CEP112: variants seen among roughly 807,000 people sequenced by gnomAD.
The protein encoded by CEP112 is centrosomal protein of 112 kDa.
Under a neutral mutation model 153.0 loss-of-function variants are expected in CEP112, and 127 were observed. The ratio of observed to expected loss-of-function variants is 0.83; its 90% CI spans 0.72 to 0.96. CEP112 has a LOEUF of 0.96. CEP112 is among the 40% of genes least tolerant of loss of function. CEP112 has a pLI of 0.00. For missense variants in CEP112, 1,089 were observed against 1,101.2 expected, an observed-to-expected ratio of 0.99 and a Z score of 0.16; for synonymous variants, 358 against 374.4, an observed-to-expected ratio of 0.96 and a Z score of 0.51.
intron 17 of CEP112, among the ~76,000 whole-genome samples, chr17:66,000,178 A>T (rs550101945): frequency 6.7e-6 from 1 of 149,478 alleles, no homozygotes; most frequent in Non-Finnish European, 1.5e-5. Context: ...ACTAATTTAC[A>T]CTCCCAACAG....
chr17:65,725,141 T>C (rs1420667501), intron 23 of CEP112, among the ~76,000 whole-genome samples: 1 of 152,202 alleles, frequency 6.6e-6, no homozygotes, highest in African/African-American at 2.4e-5. Flanking sequence ...GAGGAGTTTG[T>C]TAAACTGAAG....
chr17:65,978,740 G>T (rs1035238), intron 17 of CEP112, among the ~76,000 whole-genome samples: 62,499 of 152,080 alleles, frequency 0.41, 14,304 homozygotes, highest in East Asian at 0.87. Context: ...AATGGGTTTT[G>T]CAAACTCAAT....
intron 18 of CEP112, among the ~76,000 whole-genome samples, chr17:65,937,512 T>C (rs565125335): frequency 2.2e-5 from 3 of 133,866 alleles, no homozygotes; most frequent in East Asian, 5.2e-4. Flanking sequence ...AACCGCCCCG[T>C]CTGAGAAGTG....
intron 23 of CEP112, among the ~76,000 whole-genome samples, chr17:65,705,476 C>T (rs2048867485): frequency 6.6e-6 from 1 of 152,144 alleles, no homozygotes; most frequent in African/African-American, 2.4e-5. Flanking sequence ...AAGACATAGT[C>T]TCACCTTTTA....
intron 18 of CEP112, among the ~76,000 whole-genome samples, chr17:65,937,558 G>A (rs1190170468): frequency 3.1e-5 from 3 of 96,376 alleles, no homozygotes; most frequent in East Asian, 8.2e-4. Context: ...CCCCGTCCGG[G>A]AGGGAGGTGG....
chr17:65,963,926 C>A (rs934365396), intron 17 of CEP112, among the ~76,000 whole-genome samples: 1 of 152,132 alleles, frequency 6.6e-6, no homozygotes, highest in African/African-American at 2.4e-5. Context: ...TCCACTAAAT[C>A]CCTGTTCCTT....
intron 21 of CEP112, chr17:65,804,581 A>G (rs1467769976): frequency 6.6e-6 from 1 of 152,200 alleles, no homozygotes; most frequent in African/African-American, 2.4e-5. Flanking sequence ...AGTCTGCTGC[A>G]TTCTGGGCAG....
At chr17:66,034,015 G>A (rs978233559) in intron 12 of CEP112, among the ~76,000 whole-genome samples, 24 of 152,102 alleles carry the variant, frequency 1.6e-4, no homozygotes, top group Non-Finnish European at 2.5e-4. Flanking sequence ...TGAAGGGTCC[G>A]CTTTTTCTGT....
At chr17:66,125,214 C>A (rs1047476128) in intron 6 of CEP112, among the ~76,000 whole-genome samples, 1 of 152,212 alleles carries the variant, frequency 6.6e-6, no homozygotes, top group African/African-American at 2.4e-5. Context: ...ATGTAAACCA[C>A]TCTCATAACT....
At chr17:65,952,588 C>G (rs2061872176) in intron 18 of CEP112, among the ~76,000 whole-genome samples, 1 of 152,028 alleles carries the variant, frequency 6.6e-6, no homozygotes, top group African/African-American at 2.4e-5. Flanking sequence ...GTGCAATAGT[C>G]TTTGTCTAGA....
chr17:65,667,160 T>C (rs949777099), intron 24 of CEP112, among the ~76,000 whole-genome samples: 3 of 152,178 alleles, frequency 2.0e-5, no homozygotes, highest in Non-Finnish European at 4.4e-5. Flanking sequence ...TTCCCTTTTA[T>C]AAAGTGAGGG....
At chr17:66,149,398 G>C (rs2071066495) in intron 4 of CEP112, among the ~76,000 whole-genome samples, 1 of 152,182 alleles carries the variant, frequency 6.6e-6, no homozygotes, top group Non-Finnish European at 1.5e-5. Flanking sequence ...AAAGTTTGAA[G>C]AGGGATTGGC....
At chr17:65,872,846 C>T (rs2058707797) in intron 20 of CEP112, 1 of 152,150 alleles carries the variant, frequency 6.6e-6, no homozygotes, top group South Asian at 2.1e-4. Flanking sequence ...CTTCTAAAAA[C>T]ATTCCGCAAT....
At chr17:65,925,543 G>A (rs982789954) in intron 19 of CEP112, among the ~76,000 whole-genome samples, 2 of 152,070 alleles carry the variant, frequency 1.3e-5, no homozygotes, top group Non-Finnish European at 2.9e-5. Flanking sequence ...GCATCATAAC[G>A]CCTGTGCTGC....
chr17:65,787,475 T>C (rs2054343552), intron 21 of CEP112, among the ~76,000 whole-genome samples: 1 of 152,212 alleles, frequency 6.6e-6, no homozygotes, highest in African/African-American at 2.4e-5. Flanking sequence ...AGTGAGATCC[T>C]GTCTTTAAAA....
chr17:66,097,075 A>G (rs1207945984), intron 6 of CEP112, among the ~76,000 whole-genome samples: 2 of 152,200 alleles, frequency 1.3e-5, no homozygotes, highest in African/African-American at 4.8e-5. Context: ...TATTTGGTAC[A>G]TGAATTCTTA....
chr17:66,017,546 A>G (rs1219683872), intron 16 of CEP112, among the ~76,000 whole-genome samples: 1 of 152,176 alleles, frequency 6.6e-6, no homozygotes, highest in Admixed American at 6.5e-5. Context: ...AATTGAATAT[A>G]TCTGTATTGT....
At chr17:65,882,468 T>C (rs2059119265) in intron 20 of CEP112, among the ~76,000 whole-genome samples, 2 of 152,218 alleles carry the variant, frequency 1.3e-5, no homozygotes, top group African/African-American at 4.8e-5. Context: ...TTAATGACCA[T>C]CTCTGCATAT....
intron 18 of CEP112, among the ~76,000 whole-genome samples, chr17:65,959,616 C>T (rs1398096025): frequency 6.6e-6 from 1 of 152,178 alleles, no homozygotes; most frequent in Non-Finnish European, 1.5e-5. Flanking sequence ...GTTCTTGGCT[C>T]CTCCTTGGGT....
Sources: allele counts gnomAD v4.1 joint callset (sites outside exome capture counted in the v4.1 genomes callset), GRCh38; gene constraint gnomAD v4.1.1; transcripts MANE v1.5; gene names NCBI Gene and HGNC (gene_info 2026-07-23, HGNC 2026-07-21).